PPARGC1A: variants seen among roughly 807,000 people sequenced by gnomAD.
The protein encoded by PPARGC1A is PPARG coactivator 1 alpha.
PPARGC1A carries 25 observed loss-of-function variants against 88.7 expected under a neutral mutation model. That is an observed-to-expected ratio of 0.28 (90% CI 0.21 to 0.39). The LOEUF (loss-of-function observed/expected upper bound fraction) is 0.39, where lower values mean the gene tolerates loss of function less well. Among genes scored for constraint, PPARGC1A ranks in the 10% least tolerant of loss-of-function variants. The pLI, the probability that PPARGC1A is intolerant of heterozygous loss-of-function variation, is 1.00. For synonymous variants in PPARGC1A, 363 were observed against 355.6 expected (o/e 1.02, Z -0.24); for missense variants, 880 against 968.7 (o/e 0.91, Z 1.22).
chr4:24,246,110 C>T, the PPARGC1A span, among the ~76,000 whole-genome samples: 1 of 152,126 alleles, frequency 6.6e-6, no homozygotes, highest in Non-Finnish European at 1.5e-5. Flanking sequence ...CTAATGTAAT[C>T]ATTTTCTGGT....
the PPARGC1A span, among the ~76,000 whole-genome samples, chr4:24,106,467 A>C: frequency 6.6e-6 from 1 of 152,200 alleles, no homozygotes; most frequent in African/African-American, 2.4e-5. Flanking sequence ...TAGCAACTTG[A>C]GCCTCAACAG....
chr4:24,271,678 G>T, the PPARGC1A span, among the ~76,000 whole-genome samples: 1 of 152,160 alleles, frequency 6.6e-6, no homozygotes, highest in Admixed American at 6.5e-5. Flanking sequence ...TCAAATCTCA[G>T]TGGGTCCTTT....
the PPARGC1A span, among the ~76,000 whole-genome samples, chr4:23,928,783 CA>C: frequency 3.5e-4 from 42 of 119,120 alleles, no homozygotes; most frequent in Middle Eastern, 4.4e-3. Context: ...AAAAAAACAA[CA>C]AAAAAAAAAA....
the PPARGC1A span, among the ~76,000 whole-genome samples, chr4:23,916,548 T>C: frequency 6.6e-6 from 1 of 152,156 alleles, no homozygotes; most frequent in Admixed American, 6.5e-5. Flanking sequence ...CACGATATAC[T>C]GCTCTGAAAC....
chr4:24,384,899 G>T, the PPARGC1A span, among the ~76,000 whole-genome samples: 1 of 152,104 alleles, frequency 6.6e-6, no homozygotes, highest in Admixed American at 6.5e-5. Flanking sequence ...AGACCTAATA[G>T]ACATTTACAG....
the PPARGC1A span, among the ~76,000 whole-genome samples, chr4:24,142,657 G>A: frequency 6.6e-6 from 1 of 151,788 alleles, no homozygotes; most frequent in African/African-American, 2.4e-5. Flanking sequence ...CTGGGTGACA[G>A]AGTGAGGCTC....
At chr4:24,460,089 G>C in the PPARGC1A span, among the ~76,000 whole-genome samples, 43 of 152,304 alleles carry the variant, frequency 2.8e-4, no homozygotes, top group South Asian at 8.5e-3. Flanking sequence ...AAAGCTTTGG[G>C]ATGTTTAGAG....
the PPARGC1A span, among the ~76,000 whole-genome samples, chr4:24,226,012 C>CA: frequency 2.0e-5 from 3 of 152,158 alleles, no homozygotes; most frequent in African/African-American, 2.4e-5. Context: ...ACCCACAAAA[C>CA]GGGAAAGGAT....
At chr4:23,796,080 T>C (rs1009939208) in intron 12 of PPARGC1A, among the ~76,000 whole-genome samples, 155 bp from the exon 13 acceptor site, 3 of 152,110 alleles carry the variant, frequency 2.0e-5, no homozygotes, top group South Asian at 2.1e-4. Context: ...TATGGATATA[T>C]AGGAAGAGGA....
chr4:23,942,947 G>A, the PPARGC1A span, among the ~76,000 whole-genome samples: 1 of 152,178 alleles, frequency 6.6e-6, no homozygotes, highest in African/African-American at 2.4e-5. Flanking sequence ...GTCTAAGAAG[G>A]TGTTTTGTGC....
At chr4:23,885,292 T>A (rs1292554124) in intron 1 of PPARGC1A, among the ~76,000 whole-genome samples, 1 of 152,206 alleles carries the variant, frequency 6.6e-6, no homozygotes, top group Non-Finnish European at 1.5e-5. Flanking sequence ...TTAAACTGTC[T>A]TATAGTTAAC....
At chr4:23,954,492 C>T in the PPARGC1A span, among the ~76,000 whole-genome samples, 1 of 151,968 alleles carries the variant, frequency 6.6e-6, no homozygotes, top group Admixed American at 6.6e-5. Context: ...CCAGAAAAAG[C>T]TCACATTTAA....
the PPARGC1A span, among the ~76,000 whole-genome samples, chr4:23,947,545 C>T: frequency 6.6e-6 from 1 of 151,818 alleles, no homozygotes; most frequent in Non-Finnish European, 1.5e-5. Context: ...AGCTCATACT[C>T]ATATCCTCCT....
chr4:23,891,286 T>G (rs544657473), upstream of PPARGC1A, among the ~76,000 whole-genome samples: 1 of 152,336 alleles, frequency 6.6e-6, no homozygotes, highest in Admixed American at 6.5e-5. Context: ...TCTGTGTGAA[T>G]AAACATGTTT....
the PPARGC1A span, among the ~76,000 whole-genome samples, chr4:24,053,010 C>T: frequency 6.6e-6 from 1 of 150,846 alleles, no homozygotes; most frequent in Non-Finnish European, 1.5e-5. Context: ...ACTACAGGCA[C>T]CCGCCACCAC....
chr4:24,194,628 G>A, the PPARGC1A span, among the ~76,000 whole-genome samples: 223 of 58,092 alleles, frequency 3.8e-3, 1 homozygote, highest in African/African-American at 0.012. Context: ...GCGCACGCGC[G>A]CGCACACACA....
At chr4:24,077,627 GT>G in the PPARGC1A span, among the ~76,000 whole-genome samples, 379 of 22,164 alleles carry the variant, frequency 0.017, 1 homozygote, top group South Asian at 0.061. Flanking sequence ...GTCTAGGGGT[GT>G]GTGTGTGTGT....
chr4:24,145,948 G>A, the PPARGC1A span, among the ~76,000 whole-genome samples: 1 of 152,170 alleles, frequency 6.6e-6, no homozygotes, highest in Non-Finnish European at 1.5e-5. Context: ...GGGAGAGGCA[G>A]GTCCCAGGAG....
chr4:23,973,776 G>A, the PPARGC1A span, among the ~76,000 whole-genome samples: 3 of 151,880 alleles, frequency 2.0e-5, no homozygotes, highest in Non-Finnish European at 4.4e-5. Flanking sequence ...AAGCTCAGGG[G>A]AAAACACAGA....
Sources: allele counts gnomAD v4.1 joint callset (sites outside exome capture counted in the v4.1 genomes callset), GRCh38; gene constraint gnomAD v4.1.1; transcripts MANE v1.5; gene names NCBI Gene and HGNC (gene_info 2026-07-23, HGNC 2026-07-21).